The following PTPDC1 variants were observed in gnomAD, a reference collection of about 807,000 sequenced individuals.
PTPDC1 encodes protein tyrosine phosphatase domain containing 1, also known as protein tyrosine phosphatase domain-containing protein 1.
PTPDC1 carries 53 observed loss-of-function variants against 75.3 expected under a neutral mutation model. That is an observed-to-expected ratio of 0.70 (90% CI 0.56 to 0.88). The LOEUF is 0.88. Ranked by LOEUF, PTPDC1 falls within the 40% of genes least tolerant of loss-of-function variation. The pLI is 0.00. For missense variants in PTPDC1, 925 were observed against 998.6 expected (o/e 0.93, Z 0.99); for synonymous variants, 349 against 366.2 (o/e 0.95, Z 0.54).
At chr9:94,089,178 A>T (rs1163165740) in intron 4 of PTPDC1, among the ~76,000 whole-genome samples, 1 of 144,614 alleles carries the variant, frequency 6.9e-6, no homozygotes, top group Non-Finnish European at 1.5e-5. Flanking sequence ...CACTGCACCC[A>T]CTAACTCGTC....
At position 94,098,552 on chromosome 9, in the gene PTPDC1, A is replaced by G. The variant is rs1827709840; in HGVS notation, c.1986A>G (p.Glu662=). The part of the protein sequence containing the change: ...ANLNESVEKE[E]LKRKVEMWQK... Reference sequence around the variant, plus strand: ...TAAATGAATCTGTAGAAAAGGAGGAACTAAAAAGGAAGGTAGAAATGTGGC... The same window carrying G: ...TAAATGAATCTGTAGAAAAGGAGGAGCTAAAAAGGAAGGTAGAAATGTGGC... Residue 662 remains glutamate (E), a synonymous_variant, in exon 6 of 9, where the codon GAA becomes GAG. Transcript: ENST00000620992. 1.2e-5 allele frequency: 19 copies of G among 1,613,854 alleles called. No homozygotes were observed. Among genetic ancestry groups the G allele is most frequent in the Non-Finnish European group, 1.6e-5 (19 of 1,179,960 alleles).
At chr9:94,089,395 A>G (rs2117999982) in intron 4 of PTPDC1, among the ~76,000 whole-genome samples, 1 of 145,576 alleles carries the variant, frequency 6.9e-6, no homozygotes. Context: ...ATGTCCCTAC[A>G]AAGGACATGA....
exon 2 of PTPDC1, chr9:94,064,785 T>C: frequency 6.2e-7 from 1 of 1,613,626 alleles, no homozygotes. Context: ...ATATTCTACC[T>C]TGGTGAATAA....
chr9:94,065,641 C>G (rs1022611389), intron 2 of PTPDC1, among the ~76,000 whole-genome samples: 4 of 152,208 alleles, frequency 2.6e-5, no homozygotes. Context: ...GGGGCGTTCT[C>G]TCTCATCAAG....
chr9:94,035,205 A>G (rs551864287), intron 1 of PTPDC1, among the ~76,000 whole-genome samples: 114 of 152,308 alleles, frequency 7.5e-4, no homozygotes, highest in African/African-American at 2.5e-3. Context: ...GAAGTTTGCA[A>G]TATAATGTAA....
chr9:94,104,667 T>C lies in PTPDC1; in HGVS notation c.2310+282T>C, dbSNP rs868753866. Among the ~76,000 whole-genome samples the C allele has an allele frequency of 5.3e-5, 8 of 152,210 alleles. No individual in the cohort carries two copies. The South Asian group carries it at 1.7e-3, about 32-fold the overall frequency. ...AAAGAAAGAGAGAAACAACTGAGTG[T>C]TGAATACATATTTTTAGATCATGTG... On this transcript the variant is annotated intron_variant, in intron 8 of 8. Transcript: ENST00000620992.
chr9:94,052,986 T>C (rs1236638896), intron 1 of PTPDC1, among the ~76,000 whole-genome samples: 2 of 152,224 alleles, frequency 1.3e-5, no homozygotes. Context: ...GAAACCTTGG[T>C]TGTAAAAACC....
At chr9:94,036,294 T>C (rs956683164) in intron 1 of PTPDC1, among the ~76,000 whole-genome samples, 1 of 152,152 alleles carries the variant, frequency 6.6e-6, no homozygotes, top group Admixed American at 6.5e-5. Context: ...TCTGTTTTTG[T>C]CTCAGAGTTT....
intron 8 of PTPDC1, among the ~76,000 whole-genome samples, chr9:94,107,414 T>G (rs1457702837): frequency 6.6e-6 from 1 of 152,204 alleles, no homozygotes; most frequent in Non-Finnish European, 1.5e-5. Context: ...GAGCTGGGCT[T>G]CTATTCAGGT....
intron 8 of PTPDC1, 78 bp downstream of exon 8, chr9:94,104,463 G>A (rs139661726): frequency 1.5e-5 from 13 of 890,978 alleles, no homozygotes; most frequent in East Asian, 5.2e-5. Flanking sequence ...AGAGGTCACC[G>A]TCCTCCTCTA....
At chr9:94,082,420 T>A (rs2117958971), upstream of PTPDC1, among the ~76,000 whole-genome samples, 1 of 152,338 alleles carries the variant, frequency 6.6e-6, no homozygotes, top group South Asian at 2.1e-4. Flanking sequence ...CACTTTTCAG[T>A]GTTTTACCTG....
chr9:94,085,279 C>A lies in PTPDC1; in HGVS notation c.273C>A (p.Tyr91Ter). ...ATTTAGAACGTCCAACACCAAAGTA[C>A]ACAAAAGTAGGGGAGCGTTTACGGC... The part of the protein sequence containing the change: ...KGNLERPTPK[Y>*]TKVGERLRHV... The change falls in exon 2 of 9, where the codon TAC becomes TAA. Residue 91 changes from tyrosine to a stop codon, truncating the protein, a stop_gained. Transcript: ENST00000620992. LOFTEE classifies it high-confidence loss of function. 1 of 1,614,100 alleles carries A rather than the reference C, an allele frequency of 6.2e-7. No homozygotes were observed. Among genetic ancestry groups the A allele is most frequent in the Non-Finnish European group, 8.5e-7 (1 of 1,179,990 alleles).
At chr9:94,102,091 T>C (rs982845431) in intron 7 of PTPDC1, among the ~76,000 whole-genome samples, 2 of 152,084 alleles carry the variant, frequency 1.3e-5, no homozygotes, top group Non-Finnish European at 2.9e-5. Context: ...GCTATTTTCC[T>C]GTGAATAATG....
chr9:94,068,489 C>G (rs1826397552), intron 2 of PTPDC1, among the ~76,000 whole-genome samples: 1 of 152,066 alleles, frequency 6.6e-6, no homozygotes, highest in African/African-American at 2.4e-5. Flanking sequence ...AGAAGGGTCA[C>G]AGATAACACA....
At chr9:94,052,161 A>G (rs1339628608) in intron 1 of PTPDC1, among the ~76,000 whole-genome samples, 1 of 152,120 alleles carries the variant, frequency 6.6e-6, no homozygotes, top group African/African-American at 2.4e-5. Context: ...TGTGCAAGAT[A>G]TATATATACT....
intron 1 of PTPDC1, among the ~76,000 whole-genome samples, chr9:94,032,080 G>C (rs1829739565): frequency 3.9e-5 from 6 of 152,142 alleles, no homozygotes; most frequent in Admixed American, 3.9e-4. Context: ...AGAGGGTTTG[G>C]GTGACGTGTC....
At chr9:94,054,085 CA>C (rs1483855332) in intron 1 of PTPDC1, among the ~76,000 whole-genome samples, 1 of 152,092 alleles carries the variant, frequency 6.6e-6, no homozygotes, top group Admixed American at 6.5e-5. Flanking sequence ...GTTGACAAAG[CA>C]GACAAAAAAA....
Position 94,109,343 on chromosome 9 carries a change from C to T in PTPDC1, c.*1399C>T, listed in dbSNP as rs1206864830. 6.6e-6 allele frequency: 1 copy of T among 152,212 alleles called. No homozygotes were observed. Among genetic ancestry groups the T allele is most frequent in the African/African-American group, 2.4e-5 (1 of 41,440 alleles). 9.4% of individuals were successfully genotyped at this position (152,212 alleles called of 1,614,324 possible). A position where few individuals can be genotyped will look rare whatever the true frequency, so the allele number is the denominator to read the frequency against. ...CTCATTTAGAACAAATGAAATTTCT[C>T]CAGTCCTACATTTCTGAATTGACTT... On this transcript the variant is annotated 3_prime_UTR_variant, in exon 9 of 9. Transcript: ENST00000620992.
chr9:94,040,876 A>C (rs1184518680), intron 1 of PTPDC1, among the ~76,000 whole-genome samples: 1 of 152,186 alleles, frequency 6.6e-6, no homozygotes, highest in Non-Finnish European at 1.5e-5. Context: ...GGCAATTTAT[A>C]GTATTCACTG....
Sources: allele counts gnomAD v4.1 joint callset (sites outside exome capture counted in the v4.1 genomes callset), GRCh38; gene constraint gnomAD v4.1.1; transcripts MANE v1.5; gene names NCBI Gene and HGNC (gene_info 2026-07-23, HGNC 2026-07-21).